Variants in MON2 observed in about 807,000 individuals in gnomAD.
MON2 encodes MON2 regulator of endosome-to-Golgi trafficking.
MON2 carries 84 observed loss-of-function variants against 208.6 expected under a neutral mutation model. That is an observed-to-expected ratio of 0.40 (90% CI 0.34 to 0.48). MON2 has a LOEUF of 0.48. MON2 is among the 20% of genes least tolerant of loss of function. The pLI, the probability that MON2 is intolerant of heterozygous loss-of-function variation, is 0.59. For synonymous variants in MON2, 660 were observed against 694.0 expected (o/e 0.95, Z 0.77); for missense variants, 1,611 against 2,015.4 (o/e 0.80, Z 3.84).
At chr12:62,468,478 A>G (rs918509776) in intron 1 of MON2, among the ~76,000 whole-genome samples, 2 of 152,216 alleles carry the variant, frequency 1.3e-5, no homozygotes, top group Non-Finnish European at 2.9e-5. Context: ...TGTAATTAGA[A>G]CTTGACCAAT....
chr12:62,588,965 T>C, intron 34 of MON2: 1 of 1,182,228 alleles, frequency 8.5e-7, no homozygotes, highest in Admixed American at 2.7e-5. Context: ...TATGTGTACT[T>C]GTCTCGAAGC....
chr12:62,525,308 A>T, intron 10 of MON2, 88 bp downstream of exon 10: 1 of 1,439,676 alleles, frequency 6.9e-7, no homozygotes, highest in Non-Finnish European at 9.5e-7. Context: ...AAATTCTGTG[A>T]CTAGAGAAAT....
chr12:62,577,152 G>A (rs934498163), intron 30 of MON2, among the ~76,000 whole-genome samples: 20 of 151,912 alleles, frequency 1.3e-4, no homozygotes, highest in Admixed American at 1.3e-3. Context: ...TTTGTCTCTA[G>A]AGATGCAGAT....
At position 62,534,542 on chromosome 12, in the gene MON2, A is replaced by AATATAT. The variant is rs71882879; in HGVS notation, c.1634-282_1634-277dup. Among the ~76,000 whole-genome samples the AATATAT allele has an allele frequency of 1.1e-3, 26 of 22,840 alleles. 1 individual carries two copies. Among genetic ancestry groups the AATATAT allele is most frequent in the East Asian group, 6.8e-3 (4 of 584 alleles). 15.0% of individuals were successfully genotyped at this position (22,840 alleles called of 152,430 possible). ...GCAAAAAAAAAAAAAAAAAAAAAAA[A>AATATAT]ATATATATATATATATATATATATA... On this transcript the variant is annotated intron_variant, in intron 12 of 34. Coordinates refer to ENST00000393630, the MANE Select transcript of MON2 (RefSeq NM_015026.3).
At chr12:62,505,268 T>C (rs558170073) in intron 7 of MON2, among the ~76,000 whole-genome samples, 4 of 152,312 alleles carry the variant, frequency 2.6e-5, no homozygotes, top group African/African-American at 9.6e-5. Flanking sequence ...CTGTGAGACA[T>C]GCAAAATGTT....
At chr12:62,584,229 T>C (rs1284659109) in intron 32 of MON2, among the ~76,000 whole-genome samples, 1 of 152,172 alleles carries the variant, frequency 6.6e-6, no homozygotes, top group African/African-American at 2.4e-5. Flanking sequence ...GGGAGGCATG[T>C]GAATTTACAT....
rs571290277 is a variant in MON2, at chr12:62,505,328, T to C, written c.790-2958T>C. Among the ~76,000 whole-genome samples the C allele has an allele frequency of 6.6e-5, 10 of 152,326 alleles. No homozygotes were observed. In the East Asian group the frequency reaches 1.9e-3, roughly 29 times the overall value. On this transcript the variant is annotated intron_variant, in intron 7 of 34. Coordinates refer to ENST00000393630, the MANE Select transcript of MON2 (RefSeq NM_015026.3). ...TTGGGGCTGAAATTATAAATTTAAA[T>C]GTTCCTGGCATATAGTTGCTAATTG...
Position 62,513,810 on chromosome 12 carries a change from C to T in MON2, c.984+5330C>T, listed in dbSNP as rs922818311. 1.1e-4 allele frequency among the ~76,000 whole-genome samples: 16 copies of T among 145,256 alleles called. 3 individuals carry two copies. The highest frequency in any genetic ancestry group is 2.2e-4 in the East Asian group (1 of 4,456). On this transcript the variant is annotated intron_variant, in intron 8 of 34. Transcript: ENST00000393630. ...AAAATACAAAAAAAAACTAGCCGAG[C>T]GTGGTGGCAGGCACTTGTAGTCCCA...
chr12:62,537,063 T>C (rs1038539973), intron 14 of MON2, 88 bp from the exon 15 acceptor site: 2 of 736,026 alleles, frequency 2.7e-6, no homozygotes, highest in Non-Finnish European at 4.2e-6. Flanking sequence ...ATGGCTAAAC[T>C]TGGTTTAATC....
At chr12:62,486,470 G>A (rs1402775878) in intron 2 of MON2, among the ~76,000 whole-genome samples, 3 of 152,050 alleles carry the variant, frequency 2.0e-5, no homozygotes, top group African/African-American at 7.2e-5. Flanking sequence ...TAATAGTCAT[G>A]TTTTAATCTT....
chr12:62,472,711 G>A (rs2068855133), intron 1 of MON2, among the ~76,000 whole-genome samples: 1 of 152,176 alleles, frequency 6.6e-6, no homozygotes, highest in Non-Finnish European at 1.5e-5. Flanking sequence ...TCTCCTGGTT[G>A]GGTTAACACC....
intron 7 of MON2, among the ~76,000 whole-genome samples, chr12:62,502,036 A>G (rs1435301703): frequency 6.6e-6 from 1 of 152,136 alleles, no homozygotes; most frequent in African/African-American, 2.4e-5. Context: ...CCTGGCCAAT[A>G]TGGTGAAACC....
chr12:62,579,657 C>T (rs1046979357), intron 31 of MON2, among the ~76,000 whole-genome samples: 8 of 151,790 alleles, frequency 5.3e-5, no homozygotes, highest in African/African-American at 1.2e-4. Context: ...GCCTGGGAGG[C>T]GGAGCTTGCA....
chr12:62,483,135 A>G (rs1237289466), intron 1 of MON2: 1 of 152,216 alleles, frequency 6.6e-6, no homozygotes, highest in Non-Finnish European at 1.5e-5. Flanking sequence ...GTCAGTATAA[A>G]TATTTAGGGG....
At chr12:62,477,643 G>A (rs1318499942) in intron 1 of MON2, among the ~76,000 whole-genome samples, 6 of 146,518 alleles carry the variant, frequency 4.1e-5, no homozygotes, top group African/African-American at 7.7e-5. Context: ...CACGAGCTCT[G>A]AGGCTCAAGC....
chr12:62,537,504 T>G, intron 15 of MON2, 98 bp from the exon 16 acceptor site: 1 of 930,476 alleles, frequency 1.1e-6, no homozygotes, highest in South Asian at 1.9e-5. Flanking sequence ...TAATTTTTTC[T>G]TTAAAAAAAT....
chr12:62,547,437 A>G (rs908442480), intron 22 of MON2, among the ~76,000 whole-genome samples: 6 of 152,218 alleles, frequency 3.9e-5, no homozygotes, highest in Admixed American at 1.3e-4. Context: ...TTGTTAAATT[A>G]TTTGATAAGA....
chr12:62,585,408 G>A lies in MON2; in HGVS notation c.4814G>A (p.Arg1605Gln), dbSNP rs778093826. The A allele has an allele frequency of 2.5e-5, 41 of 1,613,566 alleles. No individual in the cohort carries two copies. Among genetic ancestry groups the A allele is most frequent in the Admixed American group, 5.0e-5 (3 of 59,988 alleles). ...VTTPQEGYIS[R>Q]MALSVLLKRS... ...ACACCTCAAGAAGGCTACATCTCACGAATGGCACTCTCAGTGCTTTTAAAG... is the reference window on the plus strand; with the variant it reads ...ACACCTCAAGAAGGCTACATCTCACAAATGGCACTCTCAGTGCTTTTAAAG... The change falls in exon 33 of 35, where the codon CGA becomes CAA. Residue 1605 changes from arginine (R) to glutamine (Q), a missense_variant. By Grantham distance (43) the Arg-to-Gln change is conservative. Transcript: ENST00000393630.
intron 22 of MON2, among the ~76,000 whole-genome samples, chr12:62,549,446 C>G (rs1184787942): frequency 7.0e-6 from 1 of 143,184 alleles, no homozygotes; most frequent in Non-Finnish European, 1.5e-5. Flanking sequence ...ATAGTGGGAC[C>G]CTGTCTCCAC....
Sources: allele counts gnomAD v4.1 joint callset (sites outside exome capture counted in the v4.1 genomes callset), GRCh38; gene constraint gnomAD v4.1.1; transcripts MANE v1.5; gene names NCBI Gene and HGNC (gene_info 2026-07-23, HGNC 2026-07-21).